The following MRTFB variants were observed in gnomAD, a reference collection of about 807,000 sequenced individuals.
MRTFB encodes myocardin-related transcription factor B.
Under a neutral mutation model 104.2 loss-of-function variants are expected in MRTFB, and 29 were observed. That is an observed-to-expected ratio of 0.28 (90% CI 0.21 to 0.38). The LOEUF (loss-of-function observed/expected upper bound fraction) is 0.38. Ranked by LOEUF, MRTFB falls within the 10% of genes least tolerant of loss-of-function variation. The pLI, the probability that MRTFB is intolerant of heterozygous loss-of-function variation, is 1.00. For synonymous variants in MRTFB, 535 were observed against 519.5 expected (o/e 1.03, Z -0.41); for missense variants, 1,270 against 1,341.6 (o/e 0.95, Z 0.83).
chr16:14,169,508 T>C (rs1368046368), intron 3 of MRTFB, among the ~76,000 whole-genome samples: 1 of 152,216 alleles, frequency 6.6e-6, no homozygotes, highest in Non-Finnish European at 1.5e-5. Flanking sequence ...ATACCCTTGA[T>C]TCTAATCATT....
At chr16:14,113,461 G>T (rs1166637445) in intron 2 of MRTFB, among the ~76,000 whole-genome samples, 1 of 152,234 alleles carries the variant, frequency 6.6e-6, no homozygotes, top group Non-Finnish European at 1.5e-5. Context: ...CAGTAAACAG[G>T]TACAGGAGGC....
the MRTFB span, among the ~76,000 whole-genome samples, chr16:14,061,112 C>G: frequency 6.6e-6 from 1 of 152,036 alleles, no homozygotes; most frequent in African/African-American, 2.4e-5. Context: ...CGCCACTGCA[C>G]TCCAGCCTGG....
intron 8 of MRTFB, 111 bp downstream of exon 8, chr16:14,219,109 G>T: frequency 8.7e-7 from 1 of 1,149,072 alleles, no homozygotes. Context: ...AATTTAAATT[G>T]ATTTATTAAG....
intron 3 of MRTFB, chr16:14,186,708 G>T (rs1381595060): frequency 5.0e-6 from 7 of 1,389,614 alleles, no homozygotes; most frequent in Non-Finnish European, 5.6e-6. Flanking sequence ...GGCTTCCAGC[G>T]GCATGAGTGT....
chr16:14,243,856 T>C (rs930620534), intron 10 of MRTFB, among the ~76,000 whole-genome samples: 2 of 144,320 alleles, frequency 1.4e-5, no homozygotes, highest in Non-Finnish European at 3.0e-5. Flanking sequence ...TAGTTTTGCC[T>C]GTTTTGGGTT....
chr16:14,082,893 G>A (rs557894773), intron 2 of MRTFB, among the ~76,000 whole-genome samples: 111 of 152,196 alleles, frequency 7.3e-4, no homozygotes, highest in Non-Finnish European at 1.5e-3. Context: ...CTATTTCTGT[G>A]AAGAATGTTA....
the MRTFB span, among the ~76,000 whole-genome samples, chr16:14,037,614 A>G: frequency 6.6e-6 from 1 of 152,100 alleles, no homozygotes; most frequent in Non-Finnish European, 1.5e-5. Context: ...GGCTGTGGTC[A>G]TTGTTTCCTG....
At chr16:14,063,145 C>T in the MRTFB span, among the ~76,000 whole-genome samples, 11 of 152,128 alleles carry the variant, frequency 7.2e-5, no homozygotes, top group South Asian at 2.1e-4. Flanking sequence ...GCACTGGGTG[C>T]GGCAGAGGTG....
chr16:14,052,891 CT>C, the MRTFB span, among the ~76,000 whole-genome samples: 1 of 152,198 alleles, frequency 6.6e-6, no homozygotes, highest in Non-Finnish European at 1.5e-5. Context: ...CACTCCAACA[CT>C]TCTGGAAACC....
At chr16:14,089,330 A>G (rs2034913475) in intron 2 of MRTFB, among the ~76,000 whole-genome samples, 2 of 152,218 alleles carry the variant, frequency 1.3e-5, no homozygotes, top group East Asian at 1.9e-4. Context: ...TCTCACCTCT[A>G]GAAGCCACTC....
intron 2 of MRTFB, among the ~76,000 whole-genome samples, chr16:14,099,325 T>C (rs2035567097): frequency 6.6e-6 from 1 of 151,924 alleles, no homozygotes; most frequent in Admixed American, 6.6e-5. Context: ...TTTTTGGTGT[T>C]ATTAAAATAG....
chr16:14,022,686 C>T, the MRTFB span, among the ~76,000 whole-genome samples: 12 of 151,796 alleles, frequency 7.9e-5, no homozygotes, highest in Admixed American at 1.3e-4. Context: ...CCACCATGCC[C>T]GGCCATAAAA....
intron 2 of MRTFB, among the ~76,000 whole-genome samples, chr16:14,085,819 A>G (rs2034673329): frequency 6.6e-6 from 1 of 152,368 alleles, no homozygotes; most frequent in Non-Finnish European, 1.5e-5. Flanking sequence ...ATAGACAATT[A>G]TAGTGATACT....
Position 14,265,706 on chromosome 16 carries a change from C to T in MRTFB, c.*4262C>T, listed in dbSNP as rs2043925894. Reference sequence around the variant, plus strand: ...TCTACCTGAAATCTTTCATGGAAGGCCTACAATTCGAAAAGCTGCACATGT... The same window carrying T: ...TCTACCTGAAATCTTTCATGGAAGGTCTACAATTCGAAAAGCTGCACATGT... On this transcript the variant is annotated 3_prime_UTR_variant, in exon 17 of 17. Coordinates refer to ENST00000571589, the MANE Select transcript of MRTFB (RefSeq NM_001308142.2). 1 of 152,204 alleles carries T rather than the reference C, an allele frequency of 6.6e-6. No individual in the cohort carries two copies. The highest frequency in any genetic ancestry group is 6.5e-5 in the Admixed American group (1 of 15,284). The allele number at this position is 152,204 out of a possible 1,614,324, so 9.4% of individuals were successfully genotyped here. A position where few individuals can be genotyped will look rare whatever the true frequency, so the allele number is the denominator to read the frequency against.
the MRTFB span, among the ~76,000 whole-genome samples, chr16:13,999,191 CAAA>C: frequency 1.2e-4 from 9 of 78,156 alleles, no homozygotes; most frequent in Admixed American, 2.8e-4. Flanking sequence ...ACTCTGTCTC[CAAA>C]AAAAAAAAAA....
chr16:14,076,235 A>C (rs1251831536), intron 1 of MRTFB, among the ~76,000 whole-genome samples: 2 of 152,068 alleles, frequency 1.3e-5, no homozygotes, highest in Non-Finnish European at 2.9e-5. Context: ...TCTGTCACCC[A>C]GGCTGGAGTG....
At chr16:14,225,741 C>G (rs1456161987) in intron 8 of MRTFB, among the ~76,000 whole-genome samples, 2 of 152,152 alleles carry the variant, frequency 1.3e-5, no homozygotes, top group Non-Finnish European at 2.9e-5. Flanking sequence ...ATTGACCAAG[C>G]TGGTCTCGAA....
At chr16:14,133,982 T>C (rs1238509038) in intron 2 of MRTFB, among the ~76,000 whole-genome samples, 3 of 152,200 alleles carry the variant, frequency 2.0e-5, no homozygotes, top group Admixed American at 6.5e-5. Flanking sequence ...AAAAGCTACA[T>C]GTGTTTGAAA....
upstream of MRTFB, among the ~76,000 whole-genome samples, chr16:14,067,679 C>A (rs1167067160): frequency 2.0e-5 from 3 of 152,104 alleles, no homozygotes; most frequent in Admixed American, 1.3e-4. Flanking sequence ...AAGCAGACTG[C>A]CCCTCCCTCA....
Sources: gnomAD v4.1 joint callset for allele counts (sites outside exome capture counted in the v4.1 genomes callset) on GRCh38, gnomAD v4.1.1 for gene constraint, MANE v1.5 for transcripts, NCBI Gene and HGNC (gene_info 2026-07-23, HGNC 2026-07-21) for gene names.